The following ADCY2 variants were observed in gnomAD, a reference collection of about 807,000 sequenced individuals.
ADCY2 encodes adenylate cyclase type 2.
A neutral mutation model predicts 125.2 loss-of-function variants in ADCY2; 31 were observed. The observed-to-expected ratio is 0.25, with a 90% CI of 0.19 to 0.33. The LOEUF is 0.33. ADCY2 is among the 10% of genes least tolerant of loss of function. The probability of loss-of-function intolerance (pLI) is 1.00; values close to 1 mark genes in which losing one functional copy is unlikely to be tolerated. For missense variants in ADCY2, 904 were observed against 1,418.2 expected (o/e 0.64, Z 5.82); for synonymous variants, 512 against 548.4 (o/e 0.93, Z 0.93).
At chr5:7,614,599 C>T (rs772935568) in intron 3 of ADCY2, among the ~76,000 whole-genome samples, 4 of 152,150 alleles carry the variant, frequency 2.6e-5, no homozygotes, top group Non-Finnish European at 4.4e-5. Context: ...GTTTGCTGCT[C>T]CAGACCCATA....
At chr5:7,593,035 C>A (rs1187191441) in intron 3 of ADCY2, among the ~76,000 whole-genome samples, 1 of 152,160 alleles carries the variant, frequency 6.6e-6, no homozygotes, top group African/African-American at 2.4e-5. Context: ...TGGCACCAAA[C>A]CTTGTATATC....
At chr5:7,426,469 T>G (rs1740392733) in intron 2 of ADCY2, among the ~76,000 whole-genome samples, 1 of 152,166 alleles carries the variant, frequency 6.6e-6, no homozygotes, top group Non-Finnish European at 1.5e-5. Flanking sequence ...TCAGAAGAGA[T>G]GGAAAGACCA....
intron 1 of ADCY2, among the ~76,000 whole-genome samples, chr5:7,406,353 G>A (rs745901040): frequency 6.6e-6 from 1 of 152,124 alleles, no homozygotes; most frequent in Non-Finnish European, 1.5e-5. Flanking sequence ...GAGACCAGTG[G>A]TCTAAAAAGA....
intron 17 of ADCY2, among the ~76,000 whole-genome samples, chr5:7,769,580 A>T (rs1579414383): frequency 6.6e-6 from 1 of 152,172 alleles, no homozygotes. Flanking sequence ...ATATTTCCCA[A>T]TTTTTAACAT....
intron 2 of ADCY2, among the ~76,000 whole-genome samples, chr5:7,420,614 G>C (rs987566354): frequency 6.6e-6 from 1 of 152,134 alleles, no homozygotes; most frequent in Non-Finnish European, 1.5e-5. Flanking sequence ...CTGTGCTACT[G>C]GCACTCAACC....
At chr5:7,630,320 T>A (rs571874488) in intron 4 of ADCY2, among the ~76,000 whole-genome samples, 1 of 152,338 alleles carries the variant, frequency 6.6e-6, no homozygotes, top group South Asian at 2.1e-4. Context: ...TATAACGGCT[T>A]TATTGAATGC....
intron 3 of ADCY2, among the ~76,000 whole-genome samples, chr5:7,601,262 A>G (rs1352565212): frequency 2.6e-5 from 4 of 152,136 alleles, no homozygotes; most frequent in East Asian, 1.9e-4. Flanking sequence ...TTTGAGGCCA[A>G]TTTAATATTA....
In ADCY2 at chr5:7,613,061, G is replaced by C. The variant is rs1205473298; in HGVS notation, c.571-13106G>C. On this transcript the variant is annotated intron_variant, in intron 3 of 24. Transcript: ENST00000338316. Reference sequence around the variant, plus strand: ...AAATATATATATACCTAATGTAAATGATGAGTTAATGGGTGCAGCACACCA... The same window carrying C: ...AAATATATATATACCTAATGTAAATCATGAGTTAATGGGTGCAGCACACCA... Among the ~76,000 whole-genome samples the C allele has an allele frequency of 2.6e-5, 4 of 151,892 alleles. No individual in the cohort carries two copies. In the East Asian group the frequency reaches 7.7e-4, roughly 29 times the overall value.
At chr5:7,656,472 G>A (rs555019708) in intron 4 of ADCY2, among the ~76,000 whole-genome samples, 2 of 152,274 alleles carry the variant, frequency 1.3e-5, no homozygotes, top group East Asian at 3.9e-4. Flanking sequence ...CAAGTAATAA[G>A]CACTCTGGGA....
intron 2 of ADCY2, among the ~76,000 whole-genome samples, chr5:7,424,678 T>C (rs918899211): frequency 3.2e-4 from 48 of 152,242 alleles, no homozygotes; most frequent in Non-Finnish European, 1.3e-4. Context: ...AATTGCCAGA[T>C]GATATTTCCA....
At chr5:7,673,239 CAAAAA>C (rs1197772883) in intron 4 of ADCY2, among the ~76,000 whole-genome samples, 3 of 5,230 alleles carry the variant, frequency 5.7e-4, no homozygotes, top group African/African-American at 8.8e-4. Flanking sequence ...CTTGTCTCTC[CAAAAA>C]AAAAAAAAAA....
intron 6 of ADCY2, among the ~76,000 whole-genome samples, chr5:7,696,719 C>T (rs1249254624): frequency 1.3e-5 from 2 of 152,184 alleles, no homozygotes; most frequent in East Asian, 3.8e-4. Context: ...AACATTCCAG[C>T]TGAGTCTCTT....
chr5:7,468,034 A>C (rs923943633), intron 2 of ADCY2, among the ~76,000 whole-genome samples: 3 of 152,222 alleles, frequency 2.0e-5, no homozygotes, highest in African/African-American at 7.2e-5. Flanking sequence ...AAATATTATA[A>C]AAATATCCAT....
At chr5:7,491,369 C>T (rs1051066796) in intron 2 of ADCY2, among the ~76,000 whole-genome samples, 1 of 152,138 alleles carries the variant, frequency 6.6e-6, no homozygotes, top group Non-Finnish European at 1.5e-5. Context: ...CTCCCTGCCT[C>T]AGCCTCCTGA....
Position 7,697,402 on chromosome 5 carries a change from C to T in ADCY2, c.982-845C>T, listed in dbSNP as rs531998758. Among the ~76,000 whole-genome samples the T allele has an allele frequency of 6.6e-5, 10 of 152,120 alleles. No homozygotes were observed. In the East Asian group the frequency reaches 9.7e-4, roughly 15 times the overall value. On this transcript the variant is annotated intron_variant, in intron 6 of 24. Coordinates refer to ENST00000338316, the MANE Select transcript of ADCY2 (RefSeq NM_020546.3). ...GAGTTCATGGCTCACAGTTCAATAA[C>T]GGGGGGTTATTGTCAGCAAACAGAT...
intron 12 of ADCY2, among the ~76,000 whole-genome samples, chr5:7,720,217 C>A (rs1472607046): frequency 6.6e-6 from 1 of 152,098 alleles, no homozygotes; most frequent in Non-Finnish European, 1.5e-5. Flanking sequence ...TAGTTCCAAT[C>A]CCCCCAAGTA....
intron 2 of ADCY2, among the ~76,000 whole-genome samples, chr5:7,513,570 C>T (rs1047372171): frequency 6.6e-6 from 1 of 152,106 alleles, no homozygotes; most frequent in African/African-American, 2.4e-5. Context: ...TAGATGACAT[C>T]CAATGAGAAA....
At chr5:7,486,536 C>T (rs1457794072) in intron 2 of ADCY2, among the ~76,000 whole-genome samples, 1 of 152,160 alleles carries the variant, frequency 6.6e-6, no homozygotes, top group Non-Finnish European at 1.5e-5. Context: ...TAGCTGATAG[C>T]TGCATGAGCA....
intron 16 of ADCY2, 81 bp downstream of exon 16, chr5:7,757,667 A>ATGGTAAGCCCCAGACCATG (rs113634537): frequency 7.9e-7 from 1 of 1,270,600 alleles, no homozygotes; most frequent in Non-Finnish European, 1.0e-6. Flanking sequence ...CCCAGACCAC[A>ATGGTAAGCCCCAGACCATG]GCCGTGTTCA....
Sources: gnomAD v4.1 joint callset for allele counts (sites outside exome capture counted in the v4.1 genomes callset) on GRCh38, gnomAD v4.1.1 for gene constraint, MANE v1.5 for transcripts, NCBI Gene and HGNC (gene_info 2026-07-23, HGNC 2026-07-21) for gene names.